Variants in STK3 observed in about 807,000 individuals in gnomAD.
STK3 encodes serine/threonine kinase 3, also known as serine/threonine-protein kinase 3.
In STK3, 41 loss-of-function variants were observed where a neutral mutation model predicts 58.0. That is an observed-to-expected ratio of 0.71 (90% CI 0.55 to 0.92). The LOEUF (loss-of-function observed/expected upper bound fraction) is 0.92. Among genes scored for constraint, STK3 ranks in the 40% least tolerant of loss-of-function variants. The pLI, the probability that STK3 is intolerant of heterozygous loss-of-function variation, is 0.00. For missense variants in STK3, 479 were observed against 602.7 expected (o/e 0.79, Z 2.15); for synonymous variants, 170 against 191.0 (o/e 0.89, Z 0.91).
chr8:98,539,323 A>G (rs1240335100), intron 9 of STK3, among the ~76,000 whole-genome samples: 1 of 152,218 alleles, frequency 6.6e-6, no homozygotes, highest in African/African-American at 2.4e-5. Flanking sequence ...ACCGAGAGAA[A>G]GATATTACTA....
intron 6 of STK3, among the ~76,000 whole-genome samples, chr8:98,621,790 G>A (rs1818345007): frequency 6.6e-6 from 1 of 151,948 alleles, no homozygotes; most frequent in African/African-American, 2.4e-5. Flanking sequence ...CTATGACCCT[G>A]AATAAAGCAA....
At chr8:98,684,965 ATGTG>A (rs143370118) in intron 6 of STK3, among the ~76,000 whole-genome samples, 7 of 151,868 alleles carry the variant, frequency 4.6e-5, no homozygotes, top group Non-Finnish European at 1.0e-4. Context: ...TGTTTCACTT[ATGTG>A]TGTGTGTGTG....
chr8:98,597,983 C>T, intron 6 of STK3: 1 of 985,294 alleles, frequency 1.0e-6, no homozygotes, highest in East Asian at 1.1e-4. Flanking sequence ...AAAGCAGCTG[C>T]TGGAAAAGGC....
chr8:98,939,426 G>A (rs1338680230), intron 1 of STK3, among the ~76,000 whole-genome samples: 1 of 152,248 alleles, frequency 6.6e-6, no homozygotes, highest in African/African-American at 2.4e-5. Context: ...TTTCTAACAA[G>A]TTCCAGATGA....
intron 1 of STK3, among the ~76,000 whole-genome samples, chr8:98,794,206 T>A (rs974632306): frequency 6.6e-6 from 1 of 151,090 alleles, no homozygotes; most frequent in Non-Finnish European, 1.5e-5. Flanking sequence ...AGACCAAAAA[T>A]ACAAAGGATC....
At chr8:98,891,826 G>A (rs1000472540) in intron 1 of STK3, among the ~76,000 whole-genome samples, 4 of 152,204 alleles carry the variant, frequency 2.6e-5, no homozygotes, top group Non-Finnish European at 5.9e-5. Flanking sequence ...AGGGCCGGGG[G>A]TTGGACTCAA....
chr8:98,694,903 C>G (rs1824738917), intron 6 of STK3, among the ~76,000 whole-genome samples: 1 of 152,238 alleles, frequency 6.6e-6, no homozygotes, highest in South Asian at 2.1e-4. Flanking sequence ...ATTTCTAGTC[C>G]TAGATCCCTG....
chr8:98,713,642 A>G (rs1423686375), intron 4 of STK3, among the ~76,000 whole-genome samples: 1 of 152,230 alleles, frequency 6.6e-6, no homozygotes, highest in Non-Finnish European at 1.5e-5. Context: ...TTAATAGCTT[A>G]CCAACCAAAA....
intron 10 of STK3, among the ~76,000 whole-genome samples, chr8:98,516,792 C>T (rs904971309): frequency 1.3e-5 from 2 of 151,964 alleles, no homozygotes; most frequent in Admixed American, 1.3e-4. Context: ...TAATCCAGAA[C>T]TCGCTAGTCG....
At chr8:98,761,297 G>T (rs1030661669) in intron 3 of STK3, among the ~76,000 whole-genome samples, 1 of 151,654 alleles carries the variant, frequency 6.6e-6, no homozygotes, top group African/African-American at 2.4e-5. Context: ...GTGAATTTTT[G>T]TATTTTTTTT....
chr8:98,762,574 T>C (rs1288837534), intron 3 of STK3, among the ~76,000 whole-genome samples: 2 of 152,180 alleles, frequency 1.3e-5, no homozygotes, highest in African/African-American at 4.8e-5. Flanking sequence ...CTTTGTTGTA[T>C]CTCTTGTGAG....
chr8:98,699,095 G>A (rs537031869), intron 6 of STK3, among the ~76,000 whole-genome samples: 112 of 152,062 alleles, frequency 7.4e-4, no homozygotes, highest in African/African-American at 2.1e-3. Flanking sequence ...TTCCCTTCTC[G>A]CTTCATTTCA....
At position 98,484,070 on chromosome 8, in the gene STK3, G is replaced by A. The variant is rs538704368; in HGVS notation, c.1318-28070C>T. On this transcript the variant is annotated intron_variant, in intron 10 of 10. Transcript: ENST00000419617. ...GAGAAGATTTAGTTTCCCAACACAT[G>A]TGCCACCATGACTTAAAGACTTAAT... Among the ~76,000 whole-genome samples, 48 of 66,294 alleles carry A rather than the reference G, an allele frequency of 7.2e-4. 2 individuals carry two copies. The South Asian group carries it at 0.015, about 21-fold the overall frequency. The allele number at this position is 66,294 out of a possible 152,430, so 43.5% of individuals were successfully genotyped here.
chr8:98,862,047 C>T (rs981593362), intron 3 of STK3, among the ~76,000 whole-genome samples: 1 of 152,170 alleles, frequency 6.6e-6, no homozygotes. Context: ...GGCCCCAATT[C>T]ACCCAAATCC....
chr8:98,403,091 C>G (rs1022426902), intron 3 of STK3, among the ~76,000 whole-genome samples: 1 of 152,248 alleles, frequency 6.6e-6, no homozygotes, highest in Non-Finnish European at 1.5e-5. Context: ...AGGCCAAGGG[C>G]AGTGGACTCC....
chr8:98,521,808 T>C (rs1314496114), intron 10 of STK3, among the ~76,000 whole-genome samples: 1 of 152,192 alleles, frequency 6.6e-6, no homozygotes, highest in Non-Finnish European at 1.5e-5. Context: ...GCCTTCTCTC[T>C]TTCTGCTATC....
chr8:98,670,462 T>C (rs777132916), intron 6 of STK3, among the ~76,000 whole-genome samples: 13 of 152,180 alleles, frequency 8.5e-5, no homozygotes, highest in Non-Finnish European at 1.8e-4. Flanking sequence ...AGATTTAATA[T>C]AACATCTTTA....
At chr8:98,682,641 A>T (rs1823719411) in intron 6 of STK3, among the ~76,000 whole-genome samples, 1 of 152,198 alleles carries the variant, frequency 6.6e-6, no homozygotes, top group Non-Finnish European at 1.5e-5. Context: ...ATCTGTAATT[A>T]ATATAGTCTT....
chr8:98,570,121 T>C (rs550634870), intron 8 of STK3, among the ~76,000 whole-genome samples: 1 of 149,140 alleles, frequency 6.7e-6, no homozygotes, highest in African/African-American at 2.4e-5. Context: ...ATATGTTTTT[T>C]CTTTTTAGAC....
Sources: gnomAD v4.1 joint callset for allele counts (sites outside exome capture counted in the v4.1 genomes callset) on GRCh38, gnomAD v4.1.1 for gene constraint, MANE v1.5 for transcripts, NCBI Gene and HGNC (gene_info 2026-07-23, HGNC 2026-07-21) for gene names.